The following PLCB2 variants were observed in gnomAD, a reference collection of about 807,000 sequenced individuals.
The protein encoded by PLCB2 is 1-phosphatidylinositol 4,5-bisphosphate phosphodiesterase beta-2.
A neutral mutation model predicts 141.7 loss-of-function variants in PLCB2; 115 were observed. The ratio of observed to expected loss-of-function variants is 0.81; its 90% CI spans 0.70 to 0.95. The LOEUF (loss-of-function observed/expected upper bound fraction) is 0.95, where lower values mean the gene tolerates loss of function less well. Ranked by LOEUF, PLCB2 falls within the 40% of genes least tolerant of loss-of-function variation. The probability of loss-of-function intolerance (pLI) is 0.00; values close to 1 mark genes in which losing one functional copy is unlikely to be tolerated. For missense variants in PLCB2, 1,403 were observed against 1,541.1 expected (o/e 0.91, Z 1.50); for synonymous variants, 603 against 595.6 (o/e 1.01, Z -0.18).
intron 24 of PLCB2, 71 bp from the exon 25 acceptor site, chr15:40,291,721 C>T (rs1343355881): frequency 6.2e-7 from 1 of 1,604,418 alleles, no homozygotes; most frequent in Non-Finnish European, 8.5e-7. Context: ...TCCTCCACAC[C>T]GCCCCCTGGG....
At chr15:40,302,780 G>A (rs1276517200) in intron 3 of PLCB2, among the ~76,000 whole-genome samples, 171 bp from the exon 4 acceptor site, 2 of 152,220 alleles carry the variant, frequency 1.3e-5, no homozygotes, top group African/African-American at 4.8e-5. Flanking sequence ...TCCAGCGGCT[G>A]GGATGGGAAG....
rs538984373 is a variant in PLCB2, at chr15:40,293,820, G to A, written c.2062-96C>T. ...CTGGCTGCCTAGAGCTGAAGCATTC[G>A]TTCTTGGGTGTTATGAAGAACCTCA... is the stretch of plus-strand genomic sequence containing the variant. On this transcript the variant is annotated intron_variant, in intron 19 of 31. Transcript: ENST00000260402. 4.1e-4 allele frequency: 508 copies of A among 1,236,010 alleles called. 5 individuals carry two copies. In the South Asian group the frequency reaches 4.5e-3, roughly 11 times the overall value. The allele number at this position is 1,236,010 out of a possible 1,614,324, so 76.6% of individuals were successfully genotyped here. A position where few individuals can be genotyped will look rare whatever the true frequency, so the allele number is the denominator to read the frequency against.
In PLCB2 at chr15:40,302,191, T is replaced by C. The variant is rs765594896; in HGVS notation, c.453-2A>G. On this transcript the variant is annotated splice_acceptor_variant, in intron 5 of 31. Transcript: ENST00000260402. LOFTEE classifies it high-confidence loss of function. ...AGCTGCATCTTGAGCTTCACAAGGC[T>C]GGGGGCAGAAAGCAGCCCGTCAAGG... 3.1e-6 allele frequency: 5 copies of C among 1,612,970 alleles called. No individual in the cohort carries two copies. Among genetic ancestry groups the C allele is most frequent in the African/African-American group, 2.7e-5 (2 of 74,902 alleles).
In PLCB2 at chr15:40,297,567, G is replaced by A. The variant is rs376098433; in HGVS notation, c.1277C>T (p.Thr426Met). Residue 426 changes from threonine (T) to methionine (M), a missense_variant, in exon 13 of 32, where the codon ACG becomes ATG. This residue lies in a region of PLCB2 where 975 missense variants were observed against 1,141.1 expected (regional missense o/e 0.85). Coordinates refer to ENST00000260402, the MANE Select transcript of PLCB2 (RefSeq NM_004573.3). This position sits in a 1 kb window ranked among gnomAD's most constrained non-coding sequence, Gnocchi z 4.2. ...TGTGAGCAGCATATCCCCAAAGATC[G>A]TCCGGCAATACTCAGCCATCTTAGC... ...QQAKMAEYCR[T>M]IFGDMLLTEP... 213 of 1,614,030 alleles carry A rather than the reference G, an allele frequency of 1.3e-4. No individual in the cohort carries two copies. The highest frequency in any genetic ancestry group is 2.2e-4 in the Admixed American group (13 of 59,998).
intron 29 of PLCB2, 89 bp downstream of exon 29, chr15:40,290,488 G>A: frequency 1.1e-6 from 1 of 940,914 alleles, no homozygotes; most frequent in Non-Finnish European, 1.7e-6. Context: ...ATGCATCTTT[G>A]GGAAGTGAGT....
intron 1 of PLCB2, among the ~76,000 whole-genome samples, chr15:40,307,240 A>G (rs1467786650): frequency 2.6e-5 from 4 of 151,962 alleles, no homozygotes; most frequent in African/African-American, 9.7e-5. Context: ...AGCGGGGACG[A>G]GCTCACCTCT....
At chr15:40,299,071 G>A (rs2040382001) in intron 8 of PLCB2, 57 bp downstream of exon 8, 2 of 1,565,992 alleles carry the variant, frequency 1.3e-6, no homozygotes, top group Non-Finnish European at 1.8e-6. Context: ...CAGGTGGGAG[G>A]AGGGGATTGT....
At chr15:40,300,551 C>G (rs930963801) in intron 7 of PLCB2, 3 of 152,098 alleles carry the variant, frequency 2.0e-5, no homozygotes, top group Non-Finnish European at 4.4e-5. Flanking sequence ...TGTGGTATAT[C>G]CATACAATGG....
At chr15:40,298,126 C>T in intron 11 of PLCB2, 97 bp downstream of exon 11, 1 of 1,360,940 alleles carries the variant, frequency 7.3e-7, no homozygotes, top group South Asian at 1.4e-5. Context: ...TCCAGCCATT[C>T]ATCTTCTCTA....
At chr15:40,285,140 G>C (rs1337244847), downstream of PLCB2, among the ~76,000 whole-genome samples, 1 of 152,194 alleles carries the variant, frequency 6.6e-6, no homozygotes, top group African/African-American at 2.4e-5. Flanking sequence ...TGTCCACCTT[G>C]AATTTGGCAC....
At chr15:40,298,516 A>G in intron 10 of PLCB2, 46 bp downstream of exon 10, 1 of 1,613,098 alleles carries the variant, frequency 6.2e-7, no homozygotes, top group East Asian at 2.2e-5. Context: ...GGATGCAGGG[A>G]ACCCCTGTGA....
intron 3 of PLCB2, among the ~76,000 whole-genome samples, chr15:40,302,993 G>T (rs2040599418): frequency 6.6e-6 from 1 of 152,176 alleles, no homozygotes; most frequent in African/African-American, 2.4e-5. Context: ...CGGGGGTGGG[G>T]GTGTAAGCCA....
intron 30 of PLCB2, 198 bp from the exon 31 acceptor site, chr15:40,289,556 G>A (rs1010142029): frequency 1.7e-6 from 1 of 593,618 alleles, no homozygotes; most frequent in South Asian, 2.0e-5. Flanking sequence ...CAGCTCATGT[G>A]AGGCACCTGG....
At chr15:40,303,381 T>C (rs750625662) in intron 2 of PLCB2, 25 bp from the exon 3 acceptor site, 2 of 1,574,380 alleles carry the variant, frequency 1.3e-6, no homozygotes, top group South Asian at 2.2e-5. Flanking sequence ...CGGATCCCGG[T>C]GGGAGCAAAG....
chr15:40,284,371 A>G (rs2039579549), downstream of PLCB2: 1 of 369,990 alleles, frequency 2.7e-6, no homozygotes, highest in Non-Finnish European at 5.4e-6. Context: ...CCTCTTAAGA[A>G]GACAACACTG....
At position 40,303,797 on chromosome 15, in the gene PLCB2, C is replaced by T. The variant is rs550928235; in HGVS notation, c.162+204G>A. On this transcript the variant is annotated intron_variant, in intron 2 of 31. Coordinates refer to ENST00000260402, the MANE Select transcript of PLCB2 (RefSeq NM_004573.3). ...TCCCCAAGGGATGCTAAGGATGGAA[C>T]ATTTGGGTAGCCACAGGTTGGAGTG... The T allele has an allele frequency of 9.0e-6, 5 of 555,978 alleles. No individual in the cohort carries two copies. In the South Asian group the frequency reaches 1.1e-4, roughly 13 times the overall value. The allele number at this position is 555,978 out of a possible 1,614,324, so 34.4% of individuals were successfully genotyped here. A position where few individuals can be genotyped will look rare whatever the true frequency, so the allele number is the denominator to read the frequency against.
chr15:40,298,382 T>G lies in PLCB2; in HGVS notation c.998-2A>C. 1 of 1,580,812 alleles carries G rather than the reference T, an allele frequency of 6.3e-7. No homozygotes were observed. Among genetic ancestry groups the G allele is most frequent in the South Asian group, 1.2e-5 (1 of 86,220 alleles). ...AGGAGAGGCCTGAGAACTGGCCGGC[T>G]GAGCCAGAGGATGGGGAAGAGGTGA... On this transcript the variant is annotated splice_acceptor_variant, in intron 10 of 31. Transcript: ENST00000260402. LOFTEE classifies it high-confidence loss of function.
chr15:40,307,817 C>A lies in PLCB2; in HGVS notation c.-145G>T. The A allele has an allele frequency of 1.7e-6, 1 of 594,016 alleles. No individual in the cohort carries two copies. The highest frequency in any genetic ancestry group is 2.9e-6 in the Non-Finnish European group (1 of 350,692). The allele number at this position is 594,016 out of a possible 1,614,324, so 36.8% of individuals were successfully genotyped here. On this transcript the variant is annotated 5_prime_UTR_variant, in exon 1 of 32. Coordinates refer to ENST00000260402, the MANE Select transcript of PLCB2 (RefSeq NM_004573.3). The stretch of plus-strand genomic sequence containing the variant: ...TCCAGAAATCTAGTTGCTCTTATAG[C>A]CCCTGGGGTGGCCCTGGCTGAGTGC...
intron 2 of PLCB2, 160 bp downstream of exon 2, chr15:40,303,841 G>A: frequency 1.7e-6 from 1 of 586,052 alleles, no homozygotes; most frequent in Non-Finnish European, 3.1e-6. Flanking sequence ...CTCCTTTCCA[G>A]AGCAAAGAGC....
Sources: gnomAD v4.1 joint callset for allele counts (sites outside exome capture counted in the v4.1 genomes callset) on GRCh38, gnomAD v4.1.1 for gene constraint, gnomAD v4.1.1 regional missense constraint, Gnocchi (gnomAD v3.1) non-coding constraint, MANE v1.5 for transcripts, NCBI Gene and HGNC (gene_info 2026-07-23, HGNC 2026-07-21) for gene names.